The following MAGI2 variants were observed in gnomAD, a reference collection of about 807,000 sequenced individuals.
The protein encoded by MAGI2 is membrane-associated guanylate kinase, WW and PDZ domain-containing protein 2.
Under a neutral mutation model 133.3 loss-of-function variants are expected in MAGI2, and 35 were observed. The ratio of observed to expected loss-of-function variants is 0.26; its 90% CI spans 0.20 to 0.35. The LOEUF (loss-of-function observed/expected upper bound fraction) is 0.35. Among genes scored for constraint, MAGI2 ranks in the 10% least tolerant of loss-of-function variants. MAGI2 has a pLI of 1.00. For missense variants in MAGI2, 1,636 were observed against 1,863.4 expected (o/e 0.88, Z 2.25); for synonymous variants, 729 against 710.6 (o/e 1.03, Z -0.41).
intron 1 of MAGI2, among the ~76,000 whole-genome samples, chr7:79,446,606 C>A (rs1005019121): frequency 2.0e-5 from 3 of 152,066 alleles, no homozygotes; most frequent in African/African-American, 7.2e-5. Flanking sequence ...TGAAACAAAT[C>A]TAGCCATTCA....
Position 78,139,319 on chromosome 7 carries a change from T to C in MAGI2, c.2846-4113A>G, listed in dbSNP as rs115916496. On this transcript the variant is annotated intron_variant, in intron 16 of 21. Coordinates refer to ENST00000354212, the MANE Select transcript of MAGI2 (RefSeq NM_012301.4). ...AACGGCAGCCTCACTTTTCCTTTAC[T>C]AGAGTTTTCCTTACATATGTAAGTG... Among the ~76,000 whole-genome samples the C allele has an allele frequency of 4.9e-3, 744 of 152,334 alleles. 6 individuals are homozygous for C. The highest frequency in any genetic ancestry group is 0.017 in the African/African-American group (712 of 41,576).
chr7:78,910,735 A>G (rs148832110), intron 2 of MAGI2, among the ~76,000 whole-genome samples: 283 of 152,250 alleles, frequency 1.9e-3, no homozygotes, highest in Middle Eastern at 3.4e-3. Context: ...AATTCTTTGG[A>G]TTTTACATCT....
At chr7:78,274,960 G>C (rs1022801823) in intron 9 of MAGI2, among the ~76,000 whole-genome samples, 1 of 151,852 alleles carries the variant, frequency 6.6e-6, no homozygotes, top group Non-Finnish European at 1.5e-5. Context: ...GAATGGTTCT[G>C]TCTTGCTGGT....
At position 79,325,543 on chromosome 7, in the gene MAGI2, AAG is replaced by A. The variant is rs756749522; in HGVS notation, c.301+127475_301+127476del. 8.7e-4 allele frequency among the ~76,000 whole-genome samples: 132 copies of A among 152,292 alleles called. No individual in the cohort carries two copies. In the Middle Eastern group the frequency reaches 0.01, roughly 12 times the overall value. On this transcript the variant is annotated intron_variant, in intron 1 of 21. Coordinates refer to ENST00000354212, the MANE Select transcript of MAGI2 (RefSeq NM_012301.4). ...CAAAGCATGAGAGATAGGTATAAAG[AAG>A]AGTTAACTGTTGCTTTCAAGTTGTC...
rs140400479 is a variant in MAGI2, at chr7:78,360,806, T to C, written c.1103+8350A>G. 2.2e-3 allele frequency among the ~76,000 whole-genome samples: 341 copies of C among 152,300 alleles called. 2 individuals are homozygous for C. Among genetic ancestry groups the C allele is most frequent in the Non-Finnish European group, 3.1e-3 (208 of 68,018 alleles). On this transcript the variant is annotated intron_variant, in intron 7 of 21. Coordinates refer to ENST00000354212, the MANE Select transcript of MAGI2 (RefSeq NM_012301.4). ...AATCAACAATTCCCCAAGTTCAGACTGTCTTCCCCGCCTTCACAAGGCCAT... is the reference window on the plus strand; with the variant it reads ...AATCAACAATTCCCCAAGTTCAGACCGTCTTCCCCGCCTTCACAAGGCCAT...
At chr7:78,503,125 C>A (rs1490955678) in intron 4 of MAGI2, among the ~76,000 whole-genome samples, 2 of 151,944 alleles carry the variant, frequency 1.3e-5, no homozygotes, top group African/African-American at 4.8e-5. Flanking sequence ...GAGAGGGTAA[C>A]ATCTATAGTA....
chr7:78,105,544 T>C (rs1431498653), intron 20 of MAGI2, among the ~76,000 whole-genome samples: 3 of 152,226 alleles, frequency 2.0e-5, no homozygotes, highest in African/African-American at 7.2e-5. Context: ...ATTTCTATTA[T>C]TATGGTGGAA....
intron 2 of MAGI2, among the ~76,000 whole-genome samples, chr7:78,629,284 A>T (rs1051656863): frequency 1.3e-5 from 2 of 152,166 alleles, no homozygotes; most frequent in South Asian, 4.1e-4. Context: ...GACCCAACTG[A>T]TGCTGGCTGC....
chr7:78,127,320 TTGCCTGTAATCCAGCGGGGGC>T lies in MAGI2; in HGVS notation c.3279_3299del (p.Leu1096_Pro1102del). 2 of 1,611,210 alleles carry T rather than the reference TTGCCTGTAATCCAGCGGGGGC, an allele frequency of 1.2e-6. No individual in the cohort carries two copies. Among genetic ancestry groups the T allele is most frequent in the African/African-American group, 2.7e-5 (2 of 74,938 alleles). Reference sequence around the variant, plus strand: ...GCTGCTGGTAGTCCCCTCCTGGGGGTTGCCTGTAATCCAGCGGGGGCTGCCTGTAGTCTGTGAATGGAGGCT... The same window carrying T: ...GCTGCTGGTAGTCCCCTCCTGGGGGTTGCCTGTAGTCTGTGAATGGAGGCT... On this transcript the variant is annotated inframe_deletion, in exon 19 of 22. Coordinates refer to ENST00000354212, the MANE Select transcript of MAGI2 (RefSeq NM_012301.4).
intron 1 of MAGI2, among the ~76,000 whole-genome samples, chr7:79,382,421 T>C (rs1157414957): frequency 6.6e-6 from 1 of 151,644 alleles, no homozygotes; most frequent in African/African-American, 2.4e-5. Context: ...CATTGCATCA[T>C]AACATCTAGG....
At chr7:78,081,654 G>A (rs1476595365) in intron 20 of MAGI2, among the ~76,000 whole-genome samples, 6 of 152,136 alleles carry the variant, frequency 3.9e-5, no homozygotes, top group Non-Finnish European at 8.8e-5. Context: ...GTATATTTGG[G>A]AAACTGTCAG....
intron 1 of MAGI2, among the ~76,000 whole-genome samples, chr7:79,280,211 G>A (rs1322854807): frequency 3.3e-5 from 5 of 152,168 alleles, no homozygotes; most frequent in Admixed American, 1.3e-4. Context: ...CAGAGATGAC[G>A]TAGAGAAGAC....
At chr7:79,299,006 T>C (rs1837168272) in intron 1 of MAGI2, among the ~76,000 whole-genome samples, 1 of 152,178 alleles carries the variant, frequency 6.6e-6, no homozygotes, top group Non-Finnish European at 1.5e-5. Context: ...TATTTTGTCA[T>C]GGCAGCCCTA....
intron 1 of MAGI2, among the ~76,000 whole-genome samples, chr7:79,165,388 C>G (rs766674747): frequency 2.6e-5 from 4 of 151,956 alleles, no homozygotes; most frequent in Non-Finnish European, 4.4e-5. Flanking sequence ...GTTCACACTA[C>G]TCAGCTTTTA....
At chr7:78,933,206 C>G (rs1396795758) in intron 2 of MAGI2, among the ~76,000 whole-genome samples, 1 of 152,106 alleles carries the variant, frequency 6.6e-6, no homozygotes, top group South Asian at 2.1e-4. Flanking sequence ...TCTCCTCACT[C>G]TCCAACTGAA....
intron 2 of MAGI2, among the ~76,000 whole-genome samples, chr7:78,838,509 AGT>A (rs34844201): frequency 0.071 from 10,459 of 147,764 alleles, 452 homozygotes; most frequent in East Asian, 0.25. Context: ...TATGTGTGTG[AGT>A]GTGTGTGTGT....
chr7:78,713,525 C>T (rs1367464572), intron 2 of MAGI2, among the ~76,000 whole-genome samples: 3 of 152,280 alleles, frequency 2.0e-5, no homozygotes, highest in Non-Finnish European at 2.9e-5. Context: ...CATTGACAGA[C>T]TCAGTCTTAC....
chr7:79,100,448 T>C (rs1372113908), intron 1 of MAGI2, among the ~76,000 whole-genome samples: 1 of 151,740 alleles, frequency 6.6e-6, no homozygotes. Context: ...TCCATTCATA[T>C]TTTTTAGATT....
chr7:78,602,306 C>A (rs1805289626), intron 3 of MAGI2, among the ~76,000 whole-genome samples: 1 of 151,982 alleles, frequency 6.6e-6, no homozygotes, highest in Admixed American at 6.5e-5. Flanking sequence ...ATTACAGGTG[C>A]CCGCCACCAT....
Sources: gnomAD v4.1 joint callset for allele counts (sites outside exome capture counted in the v4.1 genomes callset) on GRCh38, gnomAD v4.1.1 for gene constraint, MANE v1.5 for transcripts, NCBI Gene and HGNC (gene_info 2026-07-23, HGNC 2026-07-21) for gene names.